Variants in OSTN observed in about 807,000 individuals in gnomAD.
OSTN encodes osteocrin.
Under a neutral mutation model 12.0 loss-of-function variants are expected in OSTN, and 9 were observed. The observed-to-expected ratio is 0.75, with a 90% CI of 0.45 to 1.30. The LOEUF is 1.30. Among genes scored for constraint, OSTN ranks in the 50% most tolerant of loss-of-function variants. OSTN has a pLI of 0.00. For synonymous variants in OSTN, 59 were observed against 56.9 expected, an observed-to-expected ratio of 1.04 and a Z score of -0.16; for missense variants, 148 against 152.3, an observed-to-expected ratio of 0.97 and a Z score of 0.15.
chr3:191,224,399 CAT>C (rs1714857110), intron 3 of OSTN, among the ~76,000 whole-genome samples: 4 of 145,414 alleles, frequency 2.8e-5, no homozygotes, highest in South Asian at 4.4e-4. Flanking sequence ...AAAAAAGAAA[CAT>C]ATTAATAATA....
At position 191,236,390 on chromosome 3, in the gene OSTN, A is replaced by C. The variant is rs186135146; in HGVS notation, c.318-13647A>C. ...AGGGTTCTTGGATGTCACACAAGAA[A>C]GAATTTAAGGCAAGTCCACAGAGTA... On this transcript the variant is annotated intron_variant, in intron 3 of 4. Transcript: ENST00000682035. 4.1e-3 allele frequency among the ~76,000 whole-genome samples: 624 copies of C among 152,334 alleles called. 3 individuals are homozygous for C. The highest frequency in any genetic ancestry group is 0.014 in the Middle Eastern group (4 of 294).
intron 1 of OSTN, among the ~76,000 whole-genome samples, chr3:191,205,954 G>A (rs1410900478): frequency 6.6e-6 from 1 of 152,154 alleles, no homozygotes; most frequent in Non-Finnish European, 1.5e-5. Context: ...GGAGGCTGAG[G>A]CGAGTGGATC....
At chr3:191,251,363 T>C (rs1394982945) in intron 4 of OSTN, among the ~76,000 whole-genome samples, 4 of 152,182 alleles carry the variant, frequency 2.6e-5, no homozygotes, top group Admixed American at 1.3e-4. Context: ...ATAGGACTTA[T>C]AGAAGGTGCA....
At chr3:191,231,336 G>A (rs533783782) in intron 3 of OSTN, among the ~76,000 whole-genome samples, 19 of 150,634 alleles carry the variant, frequency 1.3e-4, no homozygotes, top group Admixed American at 4.0e-4. Flanking sequence ...AGGCTTCAGC[G>A]TCATTAAAAA....
At chr3:191,252,835 C>T (rs1001076262) in intron 4 of OSTN, among the ~76,000 whole-genome samples, 1 of 152,138 alleles carries the variant, frequency 6.6e-6, no homozygotes, top group African/African-American at 2.4e-5. Flanking sequence ...AACAATATTC[C>T]TTTGAATTAA....
At chr3:191,257,130 G>A (rs780179339) in intron 4 of OSTN, among the ~76,000 whole-genome samples, 37 of 134,636 alleles carry the variant, frequency 2.7e-4, no homozygotes, top group South Asian at 2.4e-4. Context: ...AGGCTGCAAC[G>A]AGCCATGATC....
chr3:191,253,634 G>T (rs1212278025), intron 4 of OSTN, among the ~76,000 whole-genome samples: 1 of 152,180 alleles, frequency 6.6e-6, no homozygotes, highest in East Asian at 1.9e-4. Flanking sequence ...AGCAAAGGTG[G>T]ATTTGTTATG....
At chr3:191,209,553 A>T (rs1229373097) in intron 1 of OSTN, among the ~76,000 whole-genome samples, 1 of 152,250 alleles carries the variant, frequency 6.6e-6, no homozygotes, top group Admixed American at 6.5e-5. Flanking sequence ...ATTCTGAAAT[A>T]GATTAATTGG....
intron 3 of OSTN, among the ~76,000 whole-genome samples, chr3:191,248,635 T>C (rs1273856861): frequency 6.6e-6 from 1 of 152,172 alleles, no homozygotes; most frequent in Non-Finnish European, 1.5e-5. Flanking sequence ...AGCAATGAAG[T>C]ATATCATTAT....
chr3:191,210,252 C>G (rs1167748308), intron 1 of OSTN, among the ~76,000 whole-genome samples: 1 of 152,202 alleles, frequency 6.6e-6, no homozygotes, highest in Non-Finnish European at 1.5e-5. Flanking sequence ...CCTCCATTAT[C>G]CAGTGGTCTC....
intron 1 of OSTN, among the ~76,000 whole-genome samples, chr3:191,201,420 C>G (rs1714150048): frequency 6.6e-6 from 1 of 152,020 alleles, no homozygotes; most frequent in Admixed American, 6.6e-5. Flanking sequence ...TTCTAAAATT[C>G]TATATTCCCA....
At chr3:191,253,123 C>A (rs1715597466) in intron 4 of OSTN, among the ~76,000 whole-genome samples, 1 of 152,156 alleles carries the variant, frequency 6.6e-6, no homozygotes, top group African/African-American at 2.4e-5. Context: ...TTGTTGGATG[C>A]TAAATTCATT....
chr3:191,246,261 T>C (rs528710117), intron 3 of OSTN, among the ~76,000 whole-genome samples: 1 of 152,122 alleles, frequency 6.6e-6, no homozygotes, highest in South Asian at 2.1e-4. Context: ...TTCACGTTGT[T>C]GGCAGAACTC....
intron 1 of OSTN, among the ~76,000 whole-genome samples, chr3:191,209,098 G>A (rs1714355411): frequency 6.6e-6 from 1 of 152,220 alleles, no homozygotes; most frequent in South Asian, 2.1e-4. Context: ...GGCAGAGGTT[G>A]CAGTGAGCTG....
intron 2 of OSTN, among the ~76,000 whole-genome samples, chr3:191,214,131 GAAGA>G (rs1330665498): frequency 6.6e-6 from 1 of 152,070 alleles, no homozygotes; most frequent in Non-Finnish European, 1.5e-5. Flanking sequence ...GTGAAATAGA[GAAGA>G]GAGAGATTGG....
chr3:191,217,878 T>A (rs1714663401), intron 2 of OSTN, among the ~76,000 whole-genome samples: 1 of 152,070 alleles, frequency 6.6e-6, no homozygotes, highest in Admixed American at 6.6e-5. Flanking sequence ...AGTAATGGCT[T>A]GAGTTAGTAA....
chr3:191,240,576 T>A (rs1364101037), intron 3 of OSTN, among the ~76,000 whole-genome samples: 1 of 152,214 alleles, frequency 6.6e-6, no homozygotes, highest in Non-Finnish European at 1.5e-5. Flanking sequence ...TCACACACTT[T>A]TTGTGCATCG....
At chr3:191,202,420 A>G (rs1177704983) in intron 1 of OSTN, among the ~76,000 whole-genome samples, 3 of 152,348 alleles carry the variant, frequency 2.0e-5, no homozygotes, top group Admixed American at 6.5e-5. Flanking sequence ...CAGAGAAAGT[A>G]TCTTCTTTAC....
chr3:191,233,712 G>A lies in OSTN; in HGVS notation c.317+14751G>A, dbSNP rs757916447. Among the ~76,000 whole-genome samples the A allele has an allele frequency of 5.3e-5, 8 of 152,238 alleles. 1 individual carries two copies. The South Asian group carries it at 6.2e-4, about 12-fold the overall frequency. ...CTCTTTAACATTAGAAGATATTGAC[G>A]GCCAGGCACTGTGGCTCATGCCCTT... On this transcript the variant is annotated intron_variant, in intron 3 of 4. Transcript: ENST00000682035.
Sources: gnomAD v4.1 joint callset for allele counts (sites outside exome capture counted in the v4.1 genomes callset) on GRCh38, gnomAD v4.1.1 for gene constraint, MANE v1.5 for transcripts, NCBI Gene and HGNC (gene_info 2026-07-23, HGNC 2026-07-21) for gene names.